SDK1: variants seen among roughly 807,000 people sequenced by gnomAD.
The protein encoded by SDK1 is protein sidekick-1.
In SDK1, 157 loss-of-function variants were observed where a neutral mutation model predicts 245.5. The observed-to-expected ratio is 0.64, with a 90% CI of 0.56 to 0.73. SDK1 has a LOEUF of 0.73. Among genes scored for constraint, SDK1 ranks in the 30% least tolerant of loss-of-function variants. The pLI, the probability that SDK1 is intolerant of heterozygous loss-of-function variation, is 0.00. For missense variants in SDK1, 3,583 were observed against 3,002.3 expected (o/e 1.19, Z -4.52); for synonymous variants, 1,647 against 1,278.5 (o/e 1.29, Z -6.15).
At chr7:4,178,354 C>A in intron 34 of SDK1, 131 bp from the exon 35 acceptor site, 1 of 718,386 alleles carries the variant, frequency 1.4e-6, no homozygotes, top group Non-Finnish European at 2.5e-6. Context: ...AGGTATTTCA[C>A]AGATTTCTAA....
rs538862474 is a variant in SDK1, at chr7:4,257,783, C to T, written c.6382-7341C>T. Among the ~76,000 whole-genome samples the T allele has an allele frequency of 9.9e-4, 151 of 152,342 alleles. 1 individual carries two copies. In the Middle Eastern group the frequency reaches 0.048, roughly 48 times the overall value. Reference sequence around the variant, plus strand: ...GTGGGCACTGGCCACTCAGAACTCACGGCCTCCCAGCTTTCCTCCCCAGAA... The same window carrying T: ...GTGGGCACTGGCCACTCAGAACTCATGGCCTCCCAGCTTTCCTCCCCAGAA... On this transcript the variant is annotated intron_variant, in intron 44 of 44. Transcript: ENST00000404826.
At chr7:3,570,170 C>T (rs914992841) in intron 1 of SDK1, among the ~76,000 whole-genome samples, 6 of 152,152 alleles carry the variant, frequency 3.9e-5, no homozygotes, top group African/African-American at 7.2e-5. Context: ...CTTGACTCAA[C>T]CTTTTTGGCA....
intron 1 of SDK1, among the ~76,000 whole-genome samples, chr7:3,409,894 G>A (rs1002514129): frequency 5.9e-5 from 9 of 151,770 alleles, no homozygotes; most frequent in Non-Finnish European, 1.3e-4. Flanking sequence ...ATTTGATGAG[G>A]TGTATATTTG....
At chr7:3,437,239 A>AT (rs1780054724) in intron 1 of SDK1, among the ~76,000 whole-genome samples, 2 of 152,112 alleles carry the variant, frequency 1.3e-5, no homozygotes, top group African/African-American at 4.8e-5. Flanking sequence ...AAGTAATAAA[A>AT]GTTTTTTTTT....
At chr7:4,050,111 C>G (rs574961290) in intron 18 of SDK1, among the ~76,000 whole-genome samples, 19 of 152,312 alleles carry the variant, frequency 1.2e-4, no homozygotes, top group African/African-American at 4.3e-4. Flanking sequence ...TTGATTTTAG[C>G]TACAATAGGT....
chr7:3,704,848 T>A (rs903050482), intron 4 of SDK1, among the ~76,000 whole-genome samples: 1 of 152,230 alleles, frequency 6.6e-6, no homozygotes, highest in African/African-American at 2.4e-5. Flanking sequence ...TTTCACCATC[T>A]TGAGTTGATT....
chr7:3,455,748 T>C (rs190633091), intron 1 of SDK1, among the ~76,000 whole-genome samples: 1 of 152,222 alleles, frequency 6.6e-6, no homozygotes, highest in African/African-American at 2.4e-5. Flanking sequence ...AAGATTGTTT[T>C]AGCTATTCTA....
intron 6 of SDK1, 101 bp downstream of exon 6, chr7:3,951,135 G>A (rs1348931161): frequency 1.1e-6 from 1 of 886,516 alleles, no homozygotes; most frequent in Non-Finnish European, 1.8e-6. Context: ...CAGCCTTCTA[G>A]CGACAGTGGT....
chr7:3,519,788 G>C (rs1782875517), intron 1 of SDK1, among the ~76,000 whole-genome samples: 1 of 152,026 alleles, frequency 6.6e-6, no homozygotes, highest in African/African-American at 2.4e-5. Flanking sequence ...ATTCTATGAG[G>C]AGATAAAAAC....
chr7:3,546,543 C>G (rs994391009), intron 1 of SDK1, among the ~76,000 whole-genome samples: 1 of 152,210 alleles, frequency 6.6e-6, no homozygotes, highest in Non-Finnish European at 1.5e-5. Flanking sequence ...TAGTGGAAAA[C>G]AGGACATGGA....
At position 3,623,850 on chromosome 7, in the gene SDK1, A is replaced by G. The variant is rs1300337658; in HGVS notation, c.458+4611A>G. ...CTCCTAAAAATTTTATAGTTTTCTTATGTAACCTGCCTCTGTGGTTCAATT... is the reference window on the plus strand; with the variant it reads ...CTCCTAAAAATTTTATAGTTTTCTTGTGTAACCTGCCTCTGTGGTTCAATT... On this transcript the variant is annotated intron_variant, in intron 2 of 44. Coordinates refer to ENST00000404826, the MANE Select transcript of SDK1 (RefSeq NM_152744.4). Among the ~76,000 whole-genome samples, 4 of 152,208 alleles carry G rather than the reference A, an allele frequency of 2.6e-5. No homozygotes were observed. In the East Asian group the frequency reaches 5.8e-4, roughly 22 times the overall value.
At chr7:3,655,511 A>G (rs1783154624) in intron 4 of SDK1, among the ~76,000 whole-genome samples, 1 of 123,772 alleles carries the variant, frequency 8.1e-6, no homozygotes, top group Non-Finnish European at 1.7e-5. Context: ...ATATGTATGT[A>G]TGTATATAAA....
rs115225267 is a variant in SDK1, at chr7:4,087,807, A to C, written c.3324+8223A>C. ...CCCAGCTCTGTAGACGTGCTTCTTA[A>C]CTTCTTTGTGAGCCTGAATTTCCAT... On this transcript the variant is annotated intron_variant, in intron 22 of 44. Coordinates refer to ENST00000404826, the MANE Select transcript of SDK1 (RefSeq NM_152744.4). 7.3e-3 allele frequency among the ~76,000 whole-genome samples: 1,111 copies of C among 152,230 alleles called. 14 individuals carry two copies. The highest frequency in any genetic ancestry group is 0.026 in the African/African-American group (1,062 of 41,542).
At chr7:3,615,872 T>C (rs1387854796) in intron 1 of SDK1, among the ~76,000 whole-genome samples, 1 of 141,066 alleles carries the variant, frequency 7.1e-6, no homozygotes, top group Non-Finnish European at 1.6e-5. Flanking sequence ...CAAAGGCTTT[T>C]TGCTGTCTTT....
chr7:4,185,477 C>A (rs78728149), intron 35 of SDK1, among the ~76,000 whole-genome samples: 2 of 152,120 alleles, frequency 1.3e-5, no homozygotes, highest in Non-Finnish European at 2.9e-5. Flanking sequence ...CCCAGGCTTC[C>A]CCCTCCTTGA....
intron 5 of SDK1, among the ~76,000 whole-genome samples, chr7:3,838,034 T>C (rs1293111200): frequency 1.3e-5 from 2 of 152,222 alleles, no homozygotes; most frequent in African/African-American, 4.8e-5. Flanking sequence ...GTATTTTGTA[T>C]ACTGAAGATC....
intron 35 of SDK1, among the ~76,000 whole-genome samples, chr7:4,201,943 T>A (rs920295616): frequency 6.6e-6 from 1 of 152,228 alleles, no homozygotes; most frequent in Non-Finnish European, 1.5e-5. Flanking sequence ...TGACCACCTG[T>A]CTGGTGTGAA....
At position 3,974,658 on chromosome 7, in the gene SDK1, G is replaced by A. The variant is rs546190484; in HGVS notation, c.1994+113G>A. The A allele has an allele frequency of 4.2e-5, 40 of 961,434 alleles. No individual in the cohort carries two copies. The Middle Eastern group carries it at 1.5e-3, about 37-fold the overall frequency. 59.6% of individuals were successfully genotyped at this position (961,434 alleles called of 1,614,324 possible). A position where few individuals can be genotyped will look rare whatever the true frequency, so the allele number is the denominator to read the frequency against. On this transcript the variant is annotated intron_variant, in intron 13 of 44. Coordinates refer to ENST00000404826, the MANE Select transcript of SDK1 (RefSeq NM_152744.4). Reference sequence around the variant, plus strand: ...CGCCCGGCTTGTGTCCCAAGTCAGCGGTCAGAGGCCAGCGCATCATGCTGC... The same window carrying A: ...CGCCCGGCTTGTGTCCCAAGTCAGCAGTCAGAGGCCAGCGCATCATGCTGC...
chr7:3,694,365 C>T (rs923574084), intron 4 of SDK1, among the ~76,000 whole-genome samples: 1 of 152,142 alleles, frequency 6.6e-6, no homozygotes, highest in African/African-American at 2.4e-5. Context: ...TCATTTAGCT[C>T]AACACCCTCC....
Sources: gnomAD v4.1 joint callset for allele counts (sites outside exome capture counted in the v4.1 genomes callset) on GRCh38, gnomAD v4.1.1 for gene constraint, MANE v1.5 for transcripts, NCBI Gene and HGNC (gene_info 2026-07-23, HGNC 2026-07-21) for gene names.